PPP1R12A: variants seen among roughly 807,000 people sequenced by gnomAD.
The protein encoded by PPP1R12A is myosin binding subunit.
PPP1R12A carries 19 observed loss-of-function variants against 139.6 expected under a neutral mutation model. That is an observed-to-expected ratio of 0.14 (90% CI 0.09 to 0.20). PPP1R12A has a LOEUF of 0.20. Among genes scored for constraint, PPP1R12A ranks in the 10% least tolerant of loss-of-function variants. The pLI, the probability that PPP1R12A is intolerant of heterozygous loss-of-function variation, is 1.00. For missense variants in PPP1R12A, 925 were observed against 1,211.5 expected, an observed-to-expected ratio of 0.76 and a Z score of 3.51; for synonymous variants, 427 against 420.6, an observed-to-expected ratio of 1.02 and a Z score of -0.19.
intron 9 of PPP1R12A, among the ~76,000 whole-genome samples, chr12:79,810,414 C>T (rs1014090688): frequency 6.6e-6 from 1 of 152,144 alleles, no homozygotes; most frequent in South Asian, 2.1e-4. Context: ...TTCACCCTTA[C>T]TGGGCACAAG....
intron 22 of PPP1R12A, among the ~76,000 whole-genome samples, chr12:79,783,012 G>A (rs1487145022): frequency 6.6e-6 from 1 of 151,988 alleles, no homozygotes; most frequent in African/African-American, 2.4e-5. Flanking sequence ...AATTTTTACG[G>A]TTATGGTGTG....
chr12:79,885,112 T>C (rs1291501620), intron 1 of PPP1R12A, among the ~76,000 whole-genome samples: 3 of 152,190 alleles, frequency 2.0e-5, no homozygotes, highest in Non-Finnish European at 2.9e-5. Context: ...CATTGTTATA[T>C]TCCTTTTCTT....
intron 1 of PPP1R12A, among the ~76,000 whole-genome samples, chr12:79,873,756 C>CT (rs1284604020): frequency 6.6e-6 from 1 of 152,048 alleles, no homozygotes; most frequent in Admixed American, 6.6e-5. Context: ...GTATACAGGT[C>CT]TTTTTTATAT....
intron 3 of PPP1R12A, among the ~76,000 whole-genome samples, chr12:79,843,329 A>AT: frequency 6.6e-6 from 1 of 151,910 alleles, no homozygotes; most frequent in Non-Finnish European, 1.5e-5. Flanking sequence ...TAATCCCAGC[A>AT]TTTTGGGAGG....
At chr12:79,860,248 T>A (rs1312759148) in intron 2 of PPP1R12A, among the ~76,000 whole-genome samples, 1 of 152,222 alleles carries the variant, frequency 6.6e-6, no homozygotes, top group African/African-American at 2.4e-5. Context: ...ATCATTCCAT[T>A]TTCTTATTCA....
At chr12:79,913,594 A>C (rs969904435) in intron 1 of PPP1R12A, among the ~76,000 whole-genome samples, 1 of 152,174 alleles carries the variant, frequency 6.6e-6, no homozygotes, top group Non-Finnish European at 1.5e-5. Context: ...ATAAGTCTTA[A>C]TGTCCATCAG....
At chr12:79,809,187 T>G (rs1403752038) in intron 10 of PPP1R12A, among the ~76,000 whole-genome samples, 3 of 152,064 alleles carry the variant, frequency 2.0e-5, no homozygotes, top group African/African-American at 7.2e-5. Flanking sequence ...CATCTGAATT[T>G]CTGATATAAG....
At chr12:79,814,834 A>AG (rs1261259569) in intron 9 of PPP1R12A, among the ~76,000 whole-genome samples, 1 of 151,144 alleles carries the variant, frequency 6.6e-6, no homozygotes, top group Non-Finnish European at 1.5e-5. Flanking sequence ...AAAAAAAAAA[A>AG]AAAAAAATTC....
intron 10 of PPP1R12A, 25 bp from the exon 11 acceptor site, chr12:79,808,602 T>A: frequency 7.0e-7 from 1 of 1,434,974 alleles, no homozygotes; most frequent in Non-Finnish European, 9.8e-7. Context: ...AAAAAATAAG[T>A]AAAAATTAAT....
chr12:79,884,937 G>A (rs755265209), intron 1 of PPP1R12A, among the ~76,000 whole-genome samples: 32 of 152,066 alleles, frequency 2.1e-4, no homozygotes, highest in Non-Finnish European at 2.9e-4. Context: ...TTTATACAAT[G>A]CTCAAAGCAG....
chr12:79,935,063 C>T lies in PPP1R12A; in HGVS notation c.-132G>A, dbSNP rs565181893. On this transcript the variant is annotated 5_prime_UTR_variant, in exon 1 of 25. Transcript: ENST00000450142. ...CAGAGGAGGGCTGGGAACCCGGAGC[C>T]GACGCTCGAGACTTCCAGTATCCCA... 97 of 1,402,704 alleles carry T rather than the reference C, an allele frequency of 6.9e-5. 1 individual carries two copies. The South Asian group carries it at 1.4e-3, about 20-fold the overall frequency. The allele number at this position is 1,402,704 out of a possible 1,614,324, so 86.9% of individuals were successfully genotyped here.
chr12:79,895,049 G>A (rs1885011333), intron 1 of PPP1R12A, among the ~76,000 whole-genome samples: 1 of 152,130 alleles, frequency 6.6e-6, no homozygotes, highest in East Asian at 1.9e-4. Flanking sequence ...TTATGCTTAC[G>A]TGTGTGGATT....
In PPP1R12A at chr12:79,793,893, T is replaced by C. The variant is rs190216848; in HGVS notation, c.2619A>G (p.Thr873=). The part of the protein sequence containing the change: ...DENEQEQQSD[T]EEGSNKKETQ... ...TTTCTTTCTTATTGGATCCCTCTTCTGTGTCTGATTGTTGTTCTTGTTCAT... is the reference window on the plus strand; with the variant it reads ...TTTCTTTCTTATTGGATCCCTCTTCCGTGTCTGATTGTTGTTCTTGTTCAT... Residue 873 remains threonine (T), a synonymous_variant, in exon 19 of 25, where the codon ACA becomes ACG. Coordinates refer to ENST00000450142, the MANE Select transcript of PPP1R12A (RefSeq NM_002480.3). 1.1e-5 allele frequency: 17 copies of C among 1,595,074 alleles called. No individual in the cohort carries two copies. The East Asian group carries it at 3.9e-4, about 36-fold the overall frequency.
At chr12:79,912,741 T>C (rs1473319053) in intron 1 of PPP1R12A, among the ~76,000 whole-genome samples, 1 of 150,624 alleles carries the variant, frequency 6.6e-6, no homozygotes, top group Non-Finnish European at 1.5e-5. Context: ...TCTGATAATA[T>C]AATTATCACC....
intron 14 of PPP1R12A, among the ~76,000 whole-genome samples, chr12:79,799,894 A>G (rs1592632221): frequency 6.6e-6 from 1 of 152,052 alleles, no homozygotes; most frequent in African/African-American, 2.4e-5. Context: ...CTGTACTCCC[A>G]GTTACTCGGG....
chr12:79,799,506 G>A (rs2137035432), intron 14 of PPP1R12A, among the ~76,000 whole-genome samples: 1 of 152,154 alleles, frequency 6.6e-6, no homozygotes, highest in South Asian at 2.1e-4. Context: ...ACATATTATT[G>A]TTCATACTTT....
chr12:79,855,390 C>G lies in PPP1R12A; in HGVS notation c.369-9970G>C, dbSNP rs1240773128. ...CCCTAAGAGGTCTGAGAAAAACAAA[C>G]AAAGAAAATTTCATGTCTTTGTTAC... On this transcript the variant is annotated intron_variant, in intron 2 of 24. Coordinates refer to ENST00000450142, the MANE Select transcript of PPP1R12A (RefSeq NM_002480.3). Among the ~76,000 whole-genome samples the G allele has an allele frequency of 4.6e-5, 7 of 152,058 alleles. No individual in the cohort carries two copies. The South Asian group carries it at 8.3e-4, about 18-fold the overall frequency.
intron 1 of PPP1R12A, among the ~76,000 whole-genome samples, chr12:79,910,212 G>C (rs1886453454): frequency 6.6e-6 from 1 of 152,016 alleles, no homozygotes; most frequent in African/African-American, 2.4e-5. Context: ...AGGCACAGTG[G>C]CTCATGCCTG....
chr12:79,822,811 ATTT>A (rs34115550), intron 5 of PPP1R12A, among the ~76,000 whole-genome samples: 25 of 129,872 alleles, frequency 1.9e-4, no homozygotes, highest in African/African-American at 5.6e-4. Flanking sequence ...GGACATCTGC[ATTT>A]TTTTTTTTTT....
Sources: gnomAD v4.1 joint callset for allele counts (sites outside exome capture counted in the v4.1 genomes callset) on GRCh38, gnomAD v4.1.1 for gene constraint, MANE v1.5 for transcripts, NCBI Gene and HGNC (gene_info 2026-07-23, HGNC 2026-07-21) for gene names.